Variants in MYO15B observed in about 807,000 individuals in gnomAD.
MYO15B encodes the protein myosin XVB pseudogene.
A neutral mutation model predicts 119.3 loss-of-function variants in MYO15B; 207 were observed. That is an observed-to-expected ratio of 1.73 (90% CI 1.55 to 1.95). The LOEUF (loss-of-function observed/expected upper bound fraction) is 1.95, where lower values mean the gene tolerates loss of function less well. Ranked by LOEUF, MYO15B falls within the 30% of genes most tolerant of loss-of-function variation. The pLI is 0.00. For synonymous variants in MYO15B, 966 were observed against 498.9 expected (o/e 1.94, Z -12.48); for missense variants, 2,264 against 1,203.1 (o/e 1.88, Z -13.04).
chr17:75,620,986 A>G (rs1276318942), intron 49 of MYO15B, 45 bp from the exon 50 acceptor site: 1 of 702,890 alleles, frequency 1.4e-6, no homozygotes, highest in African/African-American at 1.7e-5. Context: ...CCCCTGGGAC[A>G]GGGCACTGGA....
exon 36 of MYO15B, chr17:75,615,851 G>A (rs1568197768): frequency 1.4e-6 from 1 of 699,822 alleles, no homozygotes; most frequent in Non-Finnish European, 2.6e-6. Flanking sequence ...AGAAGCCACA[G>A]CGTGACCTGG....
chr17:75,620,027 G>A lies in MYO15B; in HGVS notation c.7443+7G>A, dbSNP rs1439967938. The A allele has an allele frequency of 1.1e-5, 8 of 697,934 alleles. No homozygotes were observed. In the East Asian group the frequency reaches 2.1e-4, roughly 19 times the overall value. 43.2% of individuals were successfully genotyped at this position (697,934 alleles called of 1,614,324 possible). A position where few individuals can be genotyped will look rare whatever the true frequency, so the allele number is the denominator to read the frequency against. On this transcript the variant is annotated splice_region_variant and intron_variant, in intron 47 of 63. Coordinates refer to ENST00000645453, the Ensembl canonical transcript of MYO15B. ...CCTGAATGAGCTTAAGAAGGTAAGTGTGGGGCACGGGTTGAGAGGCCGGGC... is the reference window on the plus strand; with the variant it reads ...CCTGAATGAGCTTAAGAAGGTAAGTATGGGGCACGGGTTGAGAGGCCGGGC...
At chr17:75,590,767 G>A (rs2056388328) in intron 2 of MYO15B, 78 bp downstream of exon 2, 2 of 193,244 alleles carry the variant, frequency 1.0e-5, no homozygotes, top group South Asian at 2.5e-4. Context: ...GGCACCCCTG[G>A]AGATTCTCCT....
At chr17:75,590,066 C>G (rs372818002) in exon 1 of MYO15B, 1 of 399,084 alleles carries the variant, frequency 2.5e-6, no homozygotes, top group Non-Finnish European at 4.4e-6. Flanking sequence ...GAGGGAGACC[C>G]GGGCCTCCGT....
chr17:75,596,655 G>A (rs1486020946), intron 13 of MYO15B, 100 bp downstream of exon 13: 9 of 680,972 alleles, frequency 1.3e-5, no homozygotes, highest in Non-Finnish European at 2.4e-5. Flanking sequence ...AGCTCTGCCT[G>A]GAAGGCCCCT....
At chr17:75,613,675 C>T (rs1274140748) in intron 28 of MYO15B, 30 bp from the exon 29 acceptor site, 3 of 700,176 alleles carry the variant, frequency 4.3e-6, no homozygotes, top group African/African-American at 3.5e-5. Flanking sequence ...CTGTCCCTCA[C>T]TCTTGCCCCC....
At chr17:75,587,979 A>G in exon 1 of MYO15B, 1 of 397,656 alleles carries the variant, frequency 2.5e-6, no homozygotes, top group Non-Finnish European at 4.4e-6. Context: ...CACTGCACAG[A>G]AGGTCACCGC....
chr17:75,598,262 G>A (rs953331043), intron 14 of MYO15B, among the ~76,000 whole-genome samples: 16 of 86,266 alleles, frequency 1.9e-4, no homozygotes, highest in African/African-American at 4.5e-4. Context: ...GCAAGACTCC[G>A]TCTCAAAAAA....
intron 21 of MYO15B, chr17:75,606,854 T>C: frequency 2.5e-6 from 1 of 397,252 alleles, no homozygotes. Context: ...ACTTTTACCC[T>C]GCAGTGACTT....
chr17:75,597,870 C>A (rs1365015661), intron 14 of MYO15B, among the ~76,000 whole-genome samples: 3 of 152,156 alleles, frequency 2.0e-5, no homozygotes, highest in Non-Finnish European at 4.4e-5. Context: ...GAGCCATGAT[C>A]ATGCCACTGC....
rs956473342 is a variant in MYO15B, at chr17:75,621,415, G to A, written c.7935+7G>A. The A allele has an allele frequency of 1.3e-5, 9 of 699,838 alleles. No individual in the cohort carries two copies. Among genetic ancestry groups the A allele is most frequent in the African/African-American group, 1.0e-4 (6 of 57,196 alleles). 43.4% of individuals were successfully genotyped at this position (699,838 alleles called of 1,614,324 possible). On this transcript the variant is annotated splice_region_variant and intron_variant, in intron 51 of 63. Coordinates refer to ENST00000645453, the Ensembl canonical transcript of MYO15B. ...CCTGGTGCAGTACACCAAGGTGGGA[G>A]AGAGGCAGGGAGGGGTCTGGCCCGT...
rs746722629 is a variant in MYO15B, at chr17:75,610,269, C to T, written c.4386+10C>T. 1.4e-6 allele frequency: 1 copy of T among 695,184 alleles called. No homozygotes were observed. Among genetic ancestry groups the T allele is most frequent in the South Asian group, 1.5e-5 (1 of 66,850 alleles). The allele number at this position is 695,184 out of a possible 1,614,324, so 43.1% of individuals were successfully genotyped here. ...GCGGCAGAGACTGCAGGTGCAGGGG[C>T]TTGGGTGGGGCGGTTCAGGGTAGAA... On this transcript the variant is annotated intron_variant, in intron 22 of 63. Coordinates refer to ENST00000645453, the Ensembl canonical transcript of MYO15B.
chr17:75,589,911 C>G lies in MYO15B; in HGVS notation c.1854C>G (p.Ser618Arg). 2.5e-6 allele frequency: 1 copy of G among 398,712 alleles called. No individual in the cohort carries two copies. Among genetic ancestry groups the G allele is most frequent in the Non-Finnish European group, 4.4e-6 (1 of 226,038 alleles). 24.7% of individuals were successfully genotyped at this position (398,712 alleles called of 1,614,324 possible). ...CCGACGGGCCTTCCCTCGACGAGAG[C>G]GGCTCCAGCAGTGAGGCGGAGTTGG... The change falls in exon 1 of 64, where the codon AGC becomes AGG. Residue 618 changes from serine (S) to arginine (R), a missense_variant. Physicochemically the swap from Ser to Arg is moderately radical, Grantham distance 110. Coordinates refer to ENST00000645453, the Ensembl canonical transcript of MYO15B. The surrounding 1 kb of genome is among the most constrained non-coding windows in gnomAD (Gnocchi z 4.2).
At position 75,605,849 on chromosome 17, in the gene MYO15B, C is replaced by T; in HGVS notation, c.4135-15C>T. 1.5e-6 allele frequency: 1 copy of T among 680,770 alleles called. No individual in the cohort carries two copies. The highest frequency in any genetic ancestry group is 2.7e-5 in the East Asian group (1 of 36,792). 42.2% of individuals were successfully genotyped at this position (680,770 alleles called of 1,614,324 possible). A position where few individuals can be genotyped will look rare whatever the true frequency, so the allele number is the denominator to read the frequency against. On this transcript the variant is annotated splice_polypyrimidine_tract_variant and intron_variant, in intron 20 of 63. Coordinates refer to ENST00000645453, the Ensembl canonical transcript of MYO15B. ...GCTCCTGGCTCCTGCCTACAGCCCA[C>T]CCCTCTACCCACAGGTCCTGCTGCA...
intron 12 of MYO15B, among the ~76,000 whole-genome samples, chr17:75,595,754 C>T (rs554552009): frequency 5.6e-4 from 86 of 152,338 alleles, no homozygotes; most frequent in Non-Finnish European, 1.1e-3. Context: ...CCACTTCCCC[C>T]ACGTCAGGAG....
At position 75,589,208 on chromosome 17, in the gene MYO15B, T is replaced by TGCGGCTGCGGCGGCGGCC. The variant is rs1324839500; in HGVS notation, c.1154_1171dup (p.Arg385_Pro390dup). On this transcript the variant is annotated inframe_insertion, in exon 1 of 64. Transcript: ENST00000645453. The surrounding 1 kb of genome is among the most constrained non-coding windows in gnomAD (Gnocchi z 4.2). ...CTCCTGCGCTGGCTGCGGCGGCGGC[T>TGCGGCTGCGGCGGCGGCC]GCGGCTGCGGCGGCGGCCGCCAGAG... The TGCGGCTGCGGCGGCGGCC allele has an allele frequency of 3.0e-6, 1 of 330,614 alleles. No homozygotes were observed. The highest frequency in any genetic ancestry group is 5.3e-6 in the Non-Finnish European group (1 of 190,418). The allele number at this position is 330,614 out of a possible 1,614,324, so 20.5% of individuals were successfully genotyped here. A position where few individuals can be genotyped will look rare whatever the true frequency, so the allele number is the denominator to read the frequency against.
Position 75,605,852 on chromosome 17 carries a change from C to T in MYO15B, c.4135-12C>T, listed in dbSNP as rs1026296302. On this transcript the variant is annotated splice_polypyrimidine_tract_variant and intron_variant, in intron 20 of 63. Transcript: ENST00000645453. ...CCTGGCTCCTGCCTACAGCCCACCC[C>T]TCTACCCACAGGTCCTGCTGCAGGA... 1.5e-6 allele frequency: 1 copy of T among 685,672 alleles called. No individual in the cohort carries two copies. Among genetic ancestry groups the T allele is most frequent in the Non-Finnish European group, 2.7e-6 (1 of 373,330 alleles). 42.5% of individuals were successfully genotyped at this position (685,672 alleles called of 1,614,324 possible).
At chr17:75,616,380 CAGGAGGAGGAGGAGGAGGAGG>C in exon 38 of MYO15B, 10 of 609,890 alleles carry the variant, frequency 1.6e-5, no homozygotes, top group Middle Eastern at 2.9e-4. Flanking sequence ...GGGGGAAGCG[CAGGAGGAGGAGGAGGAGGAGG>C]AGGAGGAGGA....
Position 75,617,704 on chromosome 17 carries a change from C to T in MYO15B, c.6815-106C>T, listed in dbSNP as rs370475923. ...TAAGGCAGCTGGAGGTTGGGAGAGC[C>T]GGGCCCTTGGAAGGCTCGTGGGGAT... On this transcript the variant is annotated intron_variant, in intron 41 of 63. Transcript: ENST00000645453. 1.4e-4 allele frequency: 88 copies of T among 609,572 alleles called. 1 individual carries two copies. The highest frequency in any genetic ancestry group is 1.2e-3 in the South Asian group (63 of 52,646). 37.8% of individuals were successfully genotyped at this position (609,572 alleles called of 1,614,324 possible). A position where few individuals can be genotyped will look rare whatever the true frequency, so the allele number is the denominator to read the frequency against.
Sources: allele counts gnomAD v4.1 joint callset (sites outside exome capture counted in the v4.1 genomes callset), GRCh38; gene constraint gnomAD v4.1.1; non-coding constraint Gnocchi (gnomAD v3.1); transcripts MANE v1.5; gene names NCBI Gene and HGNC (gene_info 2026-07-23, HGNC 2026-07-21).